Variants in TDP1 observed in about 807,000 individuals in gnomAD.
The protein encoded by TDP1 is tyr-DNA phosphodiesterase 1.
TDP1 carries 64 observed loss-of-function variants against 81.5 expected under a neutral mutation model. The ratio of observed to expected loss-of-function variants is 0.79; its 90% confidence interval spans 0.64 to 0.97. The LOEUF (loss-of-function observed/expected upper bound fraction) is 0.97. Ranked by LOEUF, TDP1 falls within the 50% of genes least tolerant of loss-of-function variation. The probability of loss-of-function intolerance (pLI) is 0.00; values close to 1 mark genes in which losing one functional copy is unlikely to be tolerated. For missense variants in TDP1, 723 were observed against 743.8 expected (o/e 0.97, Z 0.33); for synonymous variants, 256 against 264.3 (o/e 0.97, Z 0.30).
chr14:89,956,374 G>T (rs920988068), intron 1 of TDP1: 2 of 152,272 alleles, frequency 1.3e-5, no homozygotes, highest in Non-Finnish European at 2.9e-5. Flanking sequence ...GGACGGTCAC[G>T]GTACGTAGTA....
intron 15 of TDP1, among the ~76,000 whole-genome samples, chr14:90,029,229 G>A (rs142298702): frequency 0.02 from 2,709 of 135,582 alleles, 79 homozygotes; most frequent in African/African-American, 0.074. Context: ...ACAGAGTCTC[G>A]CTTTGTCACC....
chr14:90,035,649 T>C (rs1221025477), intron 16 of TDP1, among the ~76,000 whole-genome samples: 1 of 152,142 alleles, frequency 6.6e-6, no homozygotes, highest in African/African-American at 2.4e-5. Flanking sequence ...TGAGATTATC[T>C]ATAAAGTACT....
At chr14:89,989,686 C>G (rs199891228) in intron 11 of TDP1, 31 bp from the exon 12 acceptor site, 184 of 1,560,288 alleles carry the variant, frequency 1.2e-4, no homozygotes, top group Non-Finnish European at 1.5e-4. Context: ...ATGGTACATT[C>G]CGAGTTTTAT....
At chr14:89,998,653 CA>C (rs1255210913) in intron 14 of TDP1, among the ~76,000 whole-genome samples, 3 of 151,412 alleles carry the variant, frequency 2.0e-5, no homozygotes, top group South Asian at 2.1e-4. Flanking sequence ...GGAAGAAGGT[CA>C]GGGAAGGCCT....
chr14:89,980,651 A>T lies in TDP1; in HGVS notation c.884+19A>T. On this transcript the variant is annotated intron_variant, in intron 8 of 16. Transcript: ENST00000335725. Reference sequence around the variant, plus strand: ...CTCAAGGGTTCGTAGGGGCCTGCTCACTTCCTGGCAGTGTGTGTGTTGATA... The same window carrying T: ...CTCAAGGGTTCGTAGGGGCCTGCTCTCTTCCTGGCAGTGTGTGTGTTGATA... The T allele has an allele frequency of 6.3e-7, 1 of 1,590,340 alleles. No homozygotes were observed. The highest frequency in any genetic ancestry group is 8.6e-7 in the Non-Finnish European group (1 of 1,158,364).
chr14:89,969,963 G>A lies in TDP1; in HGVS notation c.660-1212G>A, dbSNP rs543715040. Among the ~76,000 whole-genome samples, 780 of 138,646 alleles carry A rather than the reference G, an allele frequency of 5.6e-3. 5 individuals carry two copies. Among genetic ancestry groups the A allele is most frequent in the Middle Eastern group, 8.7e-3 (2 of 230 alleles). 91.0% of individuals were successfully genotyped at this position (138,646 alleles called of 152,430 possible). A position where few individuals can be genotyped will look rare whatever the true frequency, so the allele number is the denominator to read the frequency against. On this transcript the variant is annotated intron_variant, in intron 5 of 16. Transcript: ENST00000335725. Reference sequence around the variant, plus strand: ...GGGATCTCGGCTCACTGCAAGCTCCGCCTCCCGGGTTCACGCCATTCTCCT... The same window carrying A: ...GGGATCTCGGCTCACTGCAAGCTCCACCTCCCGGGTTCACGCCATTCTCCT...
Position 89,992,795 on chromosome 14 carries a change from T to G in TDP1, c.1434-581T>G, listed in dbSNP as rs1896327327. ...TGGAGGGACCATCCTCTTATATTCA[T>G]AAGTAAAGATTGTTGCTTCATGATA... On this transcript the variant is annotated intron_variant, in intron 13 of 16. Transcript: ENST00000335725. Among the ~76,000 whole-genome samples, 2 of 152,218 alleles carry G rather than the reference T, an allele frequency of 1.3e-5. 1 individual carries two copies. The highest frequency in any genetic ancestry group is 4.1e-4 in the South Asian group (2 of 4,832).
At chr14:90,030,834 T>C (rs962545500) in intron 15 of TDP1, among the ~76,000 whole-genome samples, 1 of 152,060 alleles carries the variant, frequency 6.6e-6, no homozygotes. Context: ...GGCGTGATTT[T>C]GGCTCACTGC....
rs1209999864 is a variant in TDP1 at position 90,034,044 on chromosome 14, G to A, written c.1753+830G>A. On this transcript the variant is annotated intron_variant, in intron 16 of 16. Transcript: ENST00000335725. ...ATTGAGCCACTGCACTCCAGCCTGAGTGACAGAGCAAGACCCCAACTCTAA... is the reference window on the plus strand; with the variant it reads ...ATTGAGCCACTGCACTCCAGCCTGAATGACAGAGCAAGACCCCAACTCTAA... Among the ~76,000 whole-genome samples the A allele has an allele frequency of 2.6e-5, 4 of 152,086 alleles. No homozygotes were observed. In the East Asian group the frequency reaches 7.7e-4, roughly 29 times the overall value.
At chr14:90,023,039 C>G (rs768879734) in intron 15 of TDP1, 2 of 763,198 alleles carry the variant, frequency 2.6e-6, no homozygotes. Context: ...CAGGCCCCTG[C>G]GAAGAGAATA....
chr14:90,025,310 C>G (rs539176415), intron 15 of TDP1, among the ~76,000 whole-genome samples: 1 of 152,296 alleles, frequency 6.6e-6, no homozygotes, highest in Admixed American at 6.5e-5. Context: ...ACCAGCATTT[C>G]CCATTCATGA....
At chr14:90,029,169 C>T (rs958952110) in intron 15 of TDP1, among the ~76,000 whole-genome samples, 6 of 149,332 alleles carry the variant, frequency 4.0e-5, no homozygotes, top group Non-Finnish European at 8.9e-5. Context: ...ATCAGAAAGA[C>T]GGTTTGATTT....
chr14:90,043,667 A>G lies in TDP1; in HGVS notation c.*524A>G. On this transcript the variant is annotated 3_prime_UTR_variant, in exon 17 of 17. Coordinates refer to ENST00000335725, the MANE Select transcript of TDP1 (RefSeq NM_018319.4). ...ATTCATCACATGAGTTCAGGCATGGAAATTTTCATTTGGAGCATCATGTCA... is the reference window on the plus strand; with the variant it reads ...ATTCATCACATGAGTTCAGGCATGGGAATTTTCATTTGGAGCATCATGTCA... 5.8e-6 allele frequency: 1 copy of G among 173,684 alleles called. No individual in the cohort carries two copies. Among genetic ancestry groups the G allele is most frequent in the Admixed American group, 5.6e-5 (1 of 17,774 alleles). 10.8% of individuals were successfully genotyped at this position (173,684 alleles called of 1,614,324 possible). A position where few individuals can be genotyped will look rare whatever the true frequency, so the allele number is the denominator to read the frequency against.
chr14:90,007,280 C>T (rs947628135), intron 14 of TDP1, among the ~76,000 whole-genome samples: 1 of 152,064 alleles, frequency 6.6e-6, no homozygotes, highest in African/African-American at 2.4e-5. Flanking sequence ...GATAATTTAA[C>T]TGAATTTAAA....
intron 16 of TDP1, among the ~76,000 whole-genome samples, chr14:90,036,060 C>T (rs987324245): frequency 6.6e-6 from 1 of 152,148 alleles, no homozygotes; most frequent in Non-Finnish European, 1.5e-5. Flanking sequence ...GGCCAGCAAG[C>T]AGAATGCTTT....
At chr14:89,993,044 G>A in intron 13 of TDP1, 1 of 872,974 alleles carries the variant, frequency 1.1e-6, no homozygotes, top group South Asian at 5.3e-5. Flanking sequence ...TTCCCTTTAA[G>A]GAGCTCACAG....
intron 14 of TDP1, among the ~76,000 whole-genome samples, chr14:90,012,194 A>C (rs1484714031): frequency 6.6e-6 from 1 of 152,210 alleles, no homozygotes; most frequent in African/African-American, 2.4e-5. Flanking sequence ...CACATAAGTT[A>C]AGAATTGAGG....
intron 4 of TDP1, chr14:89,966,824 T>C (rs1270690705): frequency 4.6e-6 from 1 of 215,958 alleles, no homozygotes; most frequent in Non-Finnish European, 7.9e-6. Context: ...TACCCAGGTA[T>C]GGGGAGGAGC....
At chr14:89,984,878 T>G in intron 9 of TDP1, 195 bp downstream of exon 9, 1 of 985,430 alleles carries the variant, frequency 1.0e-6, no homozygotes, top group Non-Finnish European at 1.2e-6. Flanking sequence ...AGCCAGTGAA[T>G]CCTCATGTTT....
Sources: allele counts gnomAD v4.1 joint callset (sites outside exome capture counted in the v4.1 genomes callset), GRCh38; gene constraint gnomAD v4.1.1; transcripts MANE v1.5; gene names NCBI Gene and HGNC (gene_info 2026-07-23, HGNC 2026-07-21).